The following WBP1L variants were observed in gnomAD, a reference collection of about 807,000 sequenced individuals.
The protein encoded by WBP1L is WW domain binding protein 1 like, also known as WW domain binding protein 1-like.
WBP1L carries 17 observed loss-of-function variants against 33.7 expected under a neutral mutation model. The observed-to-expected ratio is 0.50, with a 90% CI of 0.34 to 0.76. The LOEUF (loss-of-function observed/expected upper bound fraction) is 0.76. Ranked by LOEUF, WBP1L falls within the 30% of genes least tolerant of loss-of-function variation. WBP1L has a pLI of 0.01. For missense variants in WBP1L, 389 were observed against 469.4 expected (o/e 0.83, Z 1.58); for synonymous variants, 173 against 190.8 (o/e 0.91, Z 0.77).
At chr10:102,785,722 G>A (rs951864932) in intron 1 of WBP1L, among the ~76,000 whole-genome samples, 18 of 152,144 alleles carry the variant, frequency 1.2e-4, no homozygotes, top group South Asian at 4.1e-4. Flanking sequence ...CACCTGCTCC[G>A]CTGCATGCTA....
chr10:102,803,977 T>G (rs911034621), intron 2 of WBP1L: 2 of 152,084 alleles, frequency 1.3e-5, no homozygotes, highest in Non-Finnish European at 2.9e-5. Flanking sequence ...ATACTGAGAT[T>G]AGTGTGGCCC....
chr10:102,755,090 C>T (rs1842959996), intron 1 of WBP1L, among the ~76,000 whole-genome samples: 1 of 151,660 alleles, frequency 6.6e-6, no homozygotes, highest in African/African-American at 2.4e-5. Context: ...GTTGGGATTA[C>T]AGGTGCGCAC....
At chr10:102,798,357 C>T (rs1590188533) in intron 2 of WBP1L, among the ~76,000 whole-genome samples, 1 of 152,224 alleles carries the variant, frequency 6.6e-6, no homozygotes, top group African/African-American at 2.4e-5. Flanking sequence ...CTCCTGGCTG[C>T]CCTCTCCATT....
At chr10:102,760,115 A>G (rs1590168967) in intron 1 of WBP1L, among the ~76,000 whole-genome samples, 1 of 152,180 alleles carries the variant, frequency 6.6e-6, no homozygotes, top group African/African-American at 2.4e-5. Flanking sequence ...AGTAATATCA[A>G]ATATTTTTCC....
intron 1 of WBP1L, among the ~76,000 whole-genome samples, chr10:102,793,583 C>T (rs1366173957): frequency 6.6e-6 from 1 of 152,202 alleles, no homozygotes; most frequent in African/African-American, 2.4e-5. Flanking sequence ...CACATTGCCA[C>T]AGAGAACTTG....
intron 1 of WBP1L, among the ~76,000 whole-genome samples, chr10:102,760,178 T>C (rs1453947438): frequency 6.6e-6 from 1 of 152,156 alleles, no homozygotes; most frequent in Admixed American, 6.6e-5. Context: ...TATTCAATCC[T>C]TTGTCCATTT....
In WBP1L at chr10:102,814,028, CCTTTT is replaced by C. The variant is rs1843890772; in HGVS notation, c.*702_*706del. On this transcript the variant is annotated 3_prime_UTR_variant, in exon 4 of 4. Coordinates refer to ENST00000448841, the MANE Select transcript of WBP1L (RefSeq NM_001083913.2). ...GGTTCTGGTGTGAAAGGTTATACTG[CCTTTT>C]CTTTGTTTGTTTGTTTTTTTCTCTA... The C allele has an allele frequency of 6.6e-6, 1 of 152,196 alleles. No homozygotes were observed. Among genetic ancestry groups the C allele is most frequent in the South Asian group, 2.1e-4 (1 of 4,832 alleles). 9.4% of individuals were successfully genotyped at this position (152,196 alleles called of 1,614,324 possible).
chr10:102,767,082 G>A (rs1041348995), intron 1 of WBP1L, among the ~76,000 whole-genome samples: 2 of 152,158 alleles, frequency 1.3e-5, no homozygotes, highest in Non-Finnish European at 2.9e-5. Flanking sequence ...ATTTTGATAT[G>A]AAAACAAACA....
chr10:102,775,362 C>T (rs1843245913), intron 1 of WBP1L, among the ~76,000 whole-genome samples: 1 of 152,158 alleles, frequency 6.6e-6, no homozygotes, highest in African/African-American at 2.4e-5. Flanking sequence ...ACACCATCCC[C>T]AGGGCCCTTG....
At chr10:102,793,114 T>C (rs1156805592) in intron 1 of WBP1L, among the ~76,000 whole-genome samples, 1 of 152,148 alleles carries the variant, frequency 6.6e-6, no homozygotes, top group Non-Finnish European at 1.5e-5. Flanking sequence ...CTAAACAATA[T>C]AATAATGTGT....
At chr10:102,750,388 C>G (rs1392807718) in intron 1 of WBP1L, among the ~76,000 whole-genome samples, 1 of 151,494 alleles carries the variant, frequency 6.6e-6, no homozygotes, top group Non-Finnish European at 1.5e-5. Context: ...GAGTGAGACC[C>G]TGTCTCAAAA....
chr10:102,788,943 ATTATT>A (rs1249437914), intron 1 of WBP1L, among the ~76,000 whole-genome samples: 8 of 152,184 alleles, frequency 5.3e-5, no homozygotes, highest in Admixed American at 2.0e-4. Context: ...TACTTTGGAG[ATTATT>A]TTATTTTATT....
intron 1 of WBP1L, among the ~76,000 whole-genome samples, chr10:102,756,576 C>G (rs1031949248): frequency 6.6e-6 from 1 of 152,090 alleles, no homozygotes; most frequent in African/African-American, 2.4e-5. Context: ...TTAAACACTT[C>G]TCCATTGTTA....
intron 1 of WBP1L, among the ~76,000 whole-genome samples, chr10:102,791,040 T>C (rs1843489876): frequency 6.6e-6 from 1 of 152,234 alleles, no homozygotes; most frequent in Admixed American, 6.5e-5. Context: ...TCAGAGTTTT[T>C]ATTGTCACTA....
In WBP1L at chr10:102,801,693, G is replaced by A. The variant is rs1843658416; in HGVS notation, c.193+3598G>A. On this transcript the variant is annotated intron_variant, in intron 2 of 3. Coordinates refer to ENST00000448841, the MANE Select transcript of WBP1L (RefSeq NM_001083913.2). ...GATCATTTGGGAGAATTTCACCCAG[G>A]CATCAGTTTCCCCTGGTTTGGGCTT... is the stretch of plus-strand genomic sequence containing the variant. Among the ~76,000 whole-genome samples, 4 of 152,114 alleles carry A rather than the reference G, an allele frequency of 2.6e-5. No individual in the cohort carries two copies. In the South Asian group the frequency reaches 8.3e-4, roughly 32 times the overall value.
At chr10:102,803,330 A>AT (rs1283414664) in intron 2 of WBP1L, among the ~76,000 whole-genome samples, 1 of 152,136 alleles carries the variant, frequency 6.6e-6, no homozygotes, top group Non-Finnish European at 1.5e-5. Flanking sequence ...CTAATGGGGA[A>AT]TTTCCTGCCA....
chr10:102,812,320 T>C (rs1453865719), intron 3 of WBP1L, among the ~76,000 whole-genome samples: 1 of 152,224 alleles, frequency 6.6e-6, no homozygotes, highest in African/African-American at 2.4e-5. Flanking sequence ...ATTCTCTGCC[T>C]TAACTCCCAA....
intron 2 of WBP1L, among the ~76,000 whole-genome samples, chr10:102,806,296 A>G (rs189675510): frequency 2.2e-4 from 33 of 152,302 alleles, no homozygotes; most frequent in Admixed American, 2.0e-3. Context: ...TTACACTGAG[A>G]AAGTAAGAGA....
At chr10:102,784,872 C>T (rs1160017477) in intron 1 of WBP1L, among the ~76,000 whole-genome samples, 48 of 142,334 alleles carry the variant, frequency 3.4e-4, no homozygotes, top group East Asian at 6.5e-4. Flanking sequence ...ACTTTTTTTT[C>T]TTTTTTTTTT....
Sources: gnomAD v4.1 joint callset for allele counts (sites outside exome capture counted in the v4.1 genomes callset) on GRCh38, gnomAD v4.1.1 for gene constraint, MANE v1.5 for transcripts, NCBI Gene and HGNC (gene_info 2026-07-23, HGNC 2026-07-21) for gene names.